Variants in RBFOX1 observed in about 807,000 individuals in gnomAD.
RBFOX1 encodes the protein RNA binding fox-1 homolog 1, also known as RNA binding protein fox-1 homolog 1.
RBFOX1 carries 8 observed loss-of-function variants against 57.7 expected under a neutral mutation model. That is an observed-to-expected ratio of 0.14 (90% CI 0.08 to 0.25). The LOEUF is 0.25. Ranked by LOEUF, RBFOX1 falls within the 10% of genes least tolerant of loss-of-function variation. The pLI, the probability that RBFOX1 is intolerant of heterozygous loss-of-function variation, is 1.00. For missense variants in RBFOX1, 611 were observed against 548.5 expected, an observed-to-expected ratio of 1.11 and a Z score of -1.14; for synonymous variants, 326 against 222.4, an observed-to-expected ratio of 1.47 and a Z score of -4.15.
intron 4 of RBFOX1, among the ~76,000 whole-genome samples, chr16:7,445,015 T>G (rs889313159): frequency 1.3e-5 from 2 of 152,160 alleles, no homozygotes; most frequent in African/African-American, 4.8e-5. Context: ...GTGTTTGTTT[T>G]TTTTTTTCTT....
intron 2 of RBFOX1, among the ~76,000 whole-genome samples, chr16:5,483,990 G>A (rs146633294): frequency 6.6e-6 from 1 of 152,038 alleles, no homozygotes; most frequent in African/African-American, 2.4e-5. Context: ...GAGCAATATA[G>A]TAAGACCCTG....
At chr16:6,058,862 A>G (rs562681711) in intron 1 of RBFOX1, among the ~76,000 whole-genome samples, 2 of 150,892 alleles carry the variant, frequency 1.3e-5, no homozygotes, top group East Asian at 3.9e-4. Flanking sequence ...CCATCCATCC[A>G]TCCATCCATC....
rs533892783 is a variant in RBFOX1, at chr16:6,138,204, C to A, written c.-127+118212C>A. ...CCATTTGATGGGTGTGCGGTCTGGG[C>A]CCCTGCCCAGCCACACCCTGCACTT... On this transcript the variant is annotated intron_variant, in intron 1 of 15. Coordinates refer to ENST00000550418, the MANE Select transcript of RBFOX1 (RefSeq NM_018723.4). Among the ~76,000 whole-genome samples the A allele has an allele frequency of 3.3e-5, 5 of 152,302 alleles. No homozygotes were observed. In the South Asian group the frequency reaches 1.0e-3, roughly 32 times the overall value.
At chr16:6,023,508 C>T (rs574969096) in intron 1 of RBFOX1, among the ~76,000 whole-genome samples, 58 of 152,264 alleles carry the variant, frequency 3.8e-4, no homozygotes, top group South Asian at 2.7e-3. Flanking sequence ...TAGACCATTT[C>T]GTTTGCATCC....
At chr16:6,571,899 C>A (rs1276750840) in intron 2 of RBFOX1, among the ~76,000 whole-genome samples, 1 of 150,822 alleles carries the variant, frequency 6.6e-6, no homozygotes, top group Non-Finnish European at 1.5e-5. Context: ...CTGTTGGTAA[C>A]ATTTGATTAA....
At chr16:6,691,916 T>C (rs2060261623) in intron 3 of RBFOX1, among the ~76,000 whole-genome samples, 1 of 151,854 alleles carries the variant, frequency 6.6e-6, no homozygotes, top group Non-Finnish European at 1.5e-5. Flanking sequence ...TGGTTTTGAA[T>C]ATGGAGGAAG....
intron 2 of RBFOX1, among the ~76,000 whole-genome samples, chr16:6,505,903 C>G (rs1004438925): frequency 6.6e-6 from 1 of 152,144 alleles, no homozygotes; most frequent in African/African-American, 2.4e-5. Context: ...GACAGAGAAC[C>G]TGTTACCTAG....
intron 2 of RBFOX1, among the ~76,000 whole-genome samples, chr16:5,590,072 C>CAAA (rs1372492500): frequency 3.6e-4 from 35 of 97,572 alleles, no homozygotes; most frequent in Admixed American, 1.8e-3. Flanking sequence ...CACACACACA[C>CAAA]ACACAAAAAG....
At chr16:6,723,122 C>G (rs978710155) in intron 3 of RBFOX1, among the ~76,000 whole-genome samples, 1 of 152,118 alleles carries the variant, frequency 6.6e-6, no homozygotes, top group Non-Finnish European at 1.5e-5. Context: ...ACGTGTTTGT[C>G]TTGGTTGCTG....
intron 2 of RBFOX1, among the ~76,000 whole-genome samples, chr16:6,442,947 G>T (rs1035866935): frequency 3.9e-5 from 6 of 152,176 alleles, no homozygotes; most frequent in Admixed American, 1.3e-4. Flanking sequence ...TAATAAAAAT[G>T]TATCTTTCTG....
At chr16:7,519,955 G>A (rs1350055063) in intron 5 of RBFOX1, among the ~76,000 whole-genome samples, 2 of 151,968 alleles carry the variant, frequency 1.3e-5, no homozygotes, top group African/African-American at 4.8e-5. Context: ...GCGCGATCTC[G>A]GCTCACTGCA....
intron 4 of RBFOX1, among the ~76,000 whole-genome samples, chr16:5,978,694 T>TTGG (rs2152307827): frequency 6.6e-6 from 1 of 151,508 alleles, no homozygotes; most frequent in Non-Finnish European, 1.5e-5. Flanking sequence ...TTTTTTGTTG[T>TTGG]TGTTGTTTTT....
At chr16:5,631,443 G>A (rs2048503608) in intron 3 of RBFOX1, among the ~76,000 whole-genome samples, 1 of 151,978 alleles carries the variant, frequency 6.6e-6, no homozygotes, top group African/African-American at 2.4e-5. Flanking sequence ...TGTAGTCCCA[G>A]CTACTCGGGA....
chr16:6,938,396 G>A (rs915794116), intron 3 of RBFOX1, among the ~76,000 whole-genome samples: 5 of 152,160 alleles, frequency 3.3e-5, no homozygotes, highest in African/African-American at 1.2e-4. Context: ...CTGGAAAATA[G>A]TAAGGGTCGG....
intron 1 of RBFOX1, among the ~76,000 whole-genome samples, chr16:6,239,521 T>C (rs1379253178): frequency 1.7e-5 from 2 of 120,836 alleles, no homozygotes; most frequent in East Asian, 2.9e-4. Flanking sequence ...TTTTCTGAGA[T>C]AGAGTCTTGC....
intron 1 of RBFOX1, among the ~76,000 whole-genome samples, chr16:5,439,919 A>G (rs372993698): frequency 1.3e-5 from 2 of 152,230 alleles, no homozygotes; most frequent in African/African-American, 4.8e-5. Context: ...TGAGTAAAGT[A>G]TTCAAGTGGA....
chr16:5,791,452 T>C (rs1319330096), intron 3 of RBFOX1, among the ~76,000 whole-genome samples: 1 of 152,128 alleles, frequency 6.6e-6, no homozygotes, highest in African/African-American at 2.4e-5. Context: ...ACTAATATTA[T>C]CCCCCTGGGA....
At chr16:6,214,921 A>G (rs1598429560) in intron 1 of RBFOX1, among the ~76,000 whole-genome samples, 2 of 102,396 alleles carry the variant, frequency 2.0e-5, no homozygotes, top group African/African-American at 7.7e-5. Flanking sequence ...AGAGGGGGAG[A>G]GGGAGAGGGA....
At chr16:6,575,523 T>C (rs936858609) in intron 2 of RBFOX1, among the ~76,000 whole-genome samples, 16 of 152,176 alleles carry the variant, frequency 1.1e-4, no homozygotes, top group African/African-American at 3.9e-4. Flanking sequence ...CTTCTAAAAT[T>C]AAACATGAAA....
Sources: gnomAD v4.1 joint callset for allele counts (sites outside exome capture counted in the v4.1 genomes callset) on GRCh38, gnomAD v4.1.1 for gene constraint, MANE v1.5 for transcripts, NCBI Gene and HGNC (gene_info 2026-07-23, HGNC 2026-07-21) for gene names.